The following CSMD1 variants were observed in gnomAD, a reference collection of about 807,000 sequenced individuals.
CSMD1 encodes CUB and Sushi multiple domains 1.
In CSMD1, 213 loss-of-function variants were observed where a neutral mutation model predicts 417.5. That is an observed-to-expected ratio of 0.51 (90% CI 0.46 to 0.57). The LOEUF is 0.57. Ranked by LOEUF, CSMD1 falls within the 20% of genes least tolerant of loss-of-function variation. The pLI is 0.00. For synonymous variants in CSMD1, 2,862 were observed against 1,736.8 expected, an observed-to-expected ratio of 1.65 and a Z score of -16.11; for missense variants, 6,923 against 4,529.7, an observed-to-expected ratio of 1.53 and a Z score of -15.17.
chr8:3,276,578 C>T (rs1802309309), intron 26 of CSMD1, among the ~76,000 whole-genome samples: 3 of 152,092 alleles, frequency 2.0e-5, no homozygotes, highest in Admixed American at 2.0e-4. Context: ...CCCACTGGGT[C>T]CCTCCCATGA....
intron 5 of CSMD1, among the ~76,000 whole-genome samples, chr8:3,786,732 C>G (rs776924845): frequency 1.3e-5 from 2 of 152,302 alleles, no homozygotes; most frequent in Admixed American, 6.5e-5. Context: ...AGCCCATGAT[C>G]AAGGCTCTGA....
At chr8:4,056,078 C>CTTTTTTTT (rs58415435) in intron 3 of CSMD1, among the ~76,000 whole-genome samples, 4 of 97,840 alleles carry the variant, frequency 4.1e-5, no homozygotes, top group East Asian at 3.6e-4. Flanking sequence ...TGGTGGCTTC[C>CTTTTTTTT]TTTTTTTTTT....
intron 2 of CSMD1, among the ~76,000 whole-genome samples, chr8:4,529,404 T>C (rs1302512056): frequency 2.0e-5 from 3 of 152,214 alleles, no homozygotes; most frequent in Admixed American, 6.5e-5. Flanking sequence ...TCTGGCTAAA[T>C]TGTTTTCTTC....
intron 26 of CSMD1, among the ~76,000 whole-genome samples, chr8:3,263,527 C>A (rs1308416344): frequency 6.6e-6 from 1 of 152,012 alleles, no homozygotes; most frequent in East Asian, 1.9e-4. Context: ...TATTACTGGT[C>A]TATAGTAAAT....
intron 37 of CSMD1, among the ~76,000 whole-genome samples, chr8:3,179,535 T>C (rs960607500): frequency 2.0e-5 from 3 of 152,170 alleles, no homozygotes; most frequent in African/African-American, 4.8e-5. Flanking sequence ...ATAATTATAT[T>C]GATGGGGCTG....
chr8:3,873,249 C>G (rs936286403), intron 5 of CSMD1, among the ~76,000 whole-genome samples: 9 of 152,046 alleles, frequency 5.9e-5, no homozygotes, highest in African/African-American at 1.9e-4. Context: ...AAGACACATG[C>G]AGGTGTATGT....
intron 3 of CSMD1, among the ~76,000 whole-genome samples, chr8:4,398,955 T>C (rs1330436249): frequency 6.6e-6 from 1 of 152,232 alleles, no homozygotes; most frequent in African/African-American, 2.4e-5. Flanking sequence ...GAGAATGTTT[T>C]TTAAAAGCTT....
chr8:3,936,851 G>A (rs1005272380), intron 5 of CSMD1, among the ~76,000 whole-genome samples: 1 of 152,142 alleles, frequency 6.6e-6, no homozygotes, highest in Admixed American at 6.6e-5. Flanking sequence ...GTCCATTGAT[G>A]GATCTAGCTA....
At chr8:4,732,493 C>T (rs560336341) in intron 1 of CSMD1, among the ~76,000 whole-genome samples, 60 of 152,102 alleles carry the variant, frequency 3.9e-4, no homozygotes, top group Admixed American at 3.6e-3. Context: ...TTTTCACCAT[C>T]GATTACTTTT....
At chr8:3,741,535 A>G (rs1796803971) in intron 6 of CSMD1, among the ~76,000 whole-genome samples, 1 of 152,218 alleles carries the variant, frequency 6.6e-6, no homozygotes, top group South Asian at 2.1e-4. Flanking sequence ...TAGTAGGCAC[A>G]TTTATTTCTA....
intron 33 of CSMD1, among the ~76,000 whole-genome samples, chr8:3,197,878 C>A (rs150873046): frequency 1.8e-4 from 28 of 152,208 alleles, no homozygotes; most frequent in Middle Eastern, 3.4e-3. Flanking sequence ...TTATAAGTTG[C>A]ATTTATGATT....
At chr8:3,265,631 G>C (rs1211509132) in intron 26 of CSMD1, among the ~76,000 whole-genome samples, 1 of 152,212 alleles carries the variant, frequency 6.6e-6, no homozygotes, top group Non-Finnish European at 1.5e-5. Flanking sequence ...AGGAGTGAAG[G>C]TGGAGAAGCC....
chr8:3,557,823 G>A (rs554566350), intron 10 of CSMD1, among the ~76,000 whole-genome samples: 3 of 152,286 alleles, frequency 2.0e-5, no homozygotes, highest in Non-Finnish European at 2.9e-5. Flanking sequence ...ATTATTAATA[G>A]CATTATCACC....
intron 12 of CSMD1, among the ~76,000 whole-genome samples, chr8:3,440,671 C>G (rs1213928097): frequency 1.3e-5 from 2 of 152,186 alleles, no homozygotes; most frequent in Non-Finnish European, 2.9e-5. Flanking sequence ...TGGACTTGAG[C>G]TTCCAGCACT....
At chr8:4,886,633 C>G (rs1422790338) in intron 1 of CSMD1, among the ~76,000 whole-genome samples, 1 of 151,806 alleles carries the variant, frequency 6.6e-6, no homozygotes, top group Admixed American at 6.6e-5. Context: ...CTGGGGTTTC[C>G]ATTGTGAGTA....
At chr8:3,900,472 A>C (rs1244761863) in intron 5 of CSMD1, among the ~76,000 whole-genome samples, 1 of 151,430 alleles carries the variant, frequency 6.6e-6, no homozygotes, top group African/African-American at 2.4e-5. Flanking sequence ...GCTGGGTGAC[A>C]CTGTACCTGG....
intron 3 of CSMD1, among the ~76,000 whole-genome samples, chr8:4,326,531 A>T (rs1799572526): frequency 6.6e-6 from 1 of 152,232 alleles, no homozygotes; most frequent in Admixed American, 6.5e-5. Context: ...GTGCATAATG[A>T]GTAATCAAAG....
intron 12 of CSMD1, among the ~76,000 whole-genome samples, chr8:3,432,510 T>A (rs905791325): frequency 1.9e-5 from 2 of 107,724 alleles, no homozygotes; most frequent in Non-Finnish European, 4.5e-5. Flanking sequence ...AATATGGGCT[T>A]TTTTTTTTTT....
At chr8:3,593,515 C>G (rs1386250274) in intron 8 of CSMD1, among the ~76,000 whole-genome samples, 1 of 152,178 alleles carries the variant, frequency 6.6e-6, no homozygotes, top group Non-Finnish European at 1.5e-5. Flanking sequence ...AATGCCCTCT[C>G]CACAGCCCGG....
Sources: gnomAD v4.1 joint callset for allele counts (sites outside exome capture counted in the v4.1 genomes callset) on GRCh38, gnomAD v4.1.1 for gene constraint, MANE v1.5 for transcripts, NCBI Gene and HGNC (gene_info 2026-07-23, HGNC 2026-07-21) for gene names.